Variants in GABRG1 observed in about 807,000 individuals in gnomAD.
The protein encoded by GABRG1 is gamma-aminobutyric acid receptor subunit gamma-1.
GABRG1 carries 49 observed loss-of-function variants against 49.8 expected under a neutral mutation model. That is an observed-to-expected ratio of 0.98 (90% CI 0.78 to 1.25). GABRG1 has a LOEUF of 1.25. GABRG1 is among the 50% of genes most tolerant of loss of function. The pLI, the probability that GABRG1 is intolerant of heterozygous loss-of-function variation, is 0.00. For missense variants in GABRG1, 552 were observed against 552.3 expected, an observed-to-expected ratio of 1.00 and a Z score of 0.01; for synonymous variants, 232 against 185.1, an observed-to-expected ratio of 1.25 and a Z score of -2.06.
chr4:46,113,057 T>C (rs917580250), intron 1 of GABRG1, among the ~76,000 whole-genome samples: 5 of 151,220 alleles, frequency 3.3e-5, no homozygotes, highest in East Asian at 2.0e-4. Context: ...CACTCACTTA[T>C]AGTATTTGTT....
intron 1 of GABRG1, among the ~76,000 whole-genome samples, chr4:46,104,655 T>G (rs1720479083): frequency 6.6e-6 from 1 of 151,502 alleles, no homozygotes; most frequent in African/African-American, 2.4e-5. Flanking sequence ...TTATTTTGCC[T>G]TATGTAAACT....
At chr4:46,045,068 G>C (rs749702844) in intron 8 of GABRG1, among the ~76,000 whole-genome samples, 1 of 151,984 alleles carries the variant, frequency 6.6e-6, no homozygotes, top group Non-Finnish European at 1.5e-5. Context: ...GGCCTATTTG[G>C]GGAACAATCA....
intron 1 of GABRG1, among the ~76,000 whole-genome samples, chr4:46,118,165 C>G (rs929994543): frequency 8.8e-5 from 12 of 135,688 alleles, no homozygotes; most frequent in African/African-American, 3.5e-4. Context: ...GTATAATATG[C>G]CTTACCCTTA....
intron 3 of GABRG1, among the ~76,000 whole-genome samples, chr4:46,072,080 C>T (rs979946655): frequency 1.3e-5 from 2 of 151,848 alleles, no homozygotes; most frequent in Non-Finnish European, 2.9e-5. Context: ...TCTTTTATAC[C>T]ATATTTTTAC....
chr4:46,070,744 G>A (rs1021700206), intron 3 of GABRG1, among the ~76,000 whole-genome samples: 4 of 152,060 alleles, frequency 2.6e-5, no homozygotes, highest in South Asian at 2.1e-4. Flanking sequence ...TAGGGAGCCA[G>A]GGAAGAGTTT....
chr4:46,109,151 CT>C lies in GABRG1; in HGVS notation c.105-11803del, dbSNP rs553460935. Among the ~76,000 whole-genome samples, 396 of 150,002 alleles carry C rather than the reference CT, an allele frequency of 2.6e-3. 3 individuals are homozygous for C. The highest frequency in any genetic ancestry group is 0.01 in the Middle Eastern group (3 of 292). ...GGCTGTGAATCCATCTGGCCCAGGG[CT>C]TTTTTTTGGTTAGTATTTTTTTTTA... is the stretch of plus-strand genomic sequence containing the variant. On this transcript the variant is annotated intron_variant, in intron 1 of 8. Coordinates refer to ENST00000295452, the MANE Select transcript of GABRG1 (RefSeq NM_173536.4).
At chr4:46,117,809 CATGTGTATCT>C in intron 1 of GABRG1, among the ~76,000 whole-genome samples, 1 of 121,634 alleles carries the variant, frequency 8.2e-6, no homozygotes, top group South Asian at 2.4e-4. Context: ...CATATGTATA[CATGTGTATCT>C]ATATACATAT....
At chr4:46,067,816 A>G (rs1196598826) in intron 3 of GABRG1, among the ~76,000 whole-genome samples, 1 of 152,142 alleles carries the variant, frequency 6.6e-6, no homozygotes, top group Non-Finnish European at 1.5e-5. Context: ...GTAGATGTTT[A>G]ATCATCTTAT....
At chr4:46,105,830 T>TAGATAGATAGAC (rs948226985) in intron 1 of GABRG1, among the ~76,000 whole-genome samples, 9 of 151,190 alleles carry the variant, frequency 6.0e-5, no homozygotes, top group African/African-American at 1.7e-4. Context: ...GATAGATAGA[T>TAGATAGATAGAC]AGATGATAGA....
intron 5 of GABRG1, among the ~76,000 whole-genome samples, chr4:46,060,016 G>A (rs1718611957): frequency 6.6e-6 from 1 of 151,986 alleles, no homozygotes; most frequent in Non-Finnish European, 1.5e-5. Flanking sequence ...TAAGGAAAAT[G>A]TTTTTGTCTA....
intron 2 of GABRG1, among the ~76,000 whole-genome samples, chr4:46,095,295 G>T (rs66482304): frequency 6.6e-6 from 1 of 151,436 alleles, no homozygotes; most frequent in East Asian, 1.9e-4. Flanking sequence ...GTGGGAATTC[G>T]TGAAGAAGAA....
At chr4:46,110,230 T>C (rs1367446876) in intron 1 of GABRG1, among the ~76,000 whole-genome samples, 3 of 150,998 alleles carry the variant, frequency 2.0e-5, no homozygotes, top group Non-Finnish European at 4.5e-5. Flanking sequence ...GATAACTGAG[T>C]CTTCTTGTTG....
intron 1 of GABRG1, among the ~76,000 whole-genome samples, chr4:46,110,700 T>A (rs866337673): frequency 6.6e-6 from 1 of 151,152 alleles, no homozygotes; most frequent in African/African-American, 2.4e-5. Context: ...TGGTTCACCA[T>A]ATGCAAATGA....
intron 1 of GABRG1, among the ~76,000 whole-genome samples, chr4:46,117,608 C>CTA (rs1333423900): frequency 0.015 from 2,012 of 136,960 alleles, 20 homozygotes; most frequent in African/African-American, 0.023. Flanking sequence ...CTCTCTCTCT[C>CTA]TCTCTATATA....
At chr4:46,078,074 T>C (rs1478005531) in intron 3 of GABRG1, among the ~76,000 whole-genome samples, 12 of 151,784 alleles carry the variant, frequency 7.9e-5, no homozygotes, top group African/African-American at 2.7e-4. Context: ...ATATATTTTA[T>C]GTAGTGACAA....
chr4:46,107,617 T>C (rs1351594255), intron 1 of GABRG1, among the ~76,000 whole-genome samples: 1 of 150,972 alleles, frequency 6.6e-6, no homozygotes, highest in Non-Finnish European at 1.5e-5. Context: ...TGATACTAAA[T>C]TATATAATTT....
At chr4:46,044,784 T>A (rs565757826) in intron 8 of GABRG1, among the ~76,000 whole-genome samples, 2 of 152,226 alleles carry the variant, frequency 1.3e-5, no homozygotes, top group South Asian at 4.2e-4. Context: ...GTTCACCTAC[T>A]GTGCATGTAG....
chr4:46,048,892 CA>C (rs547227887), intron 8 of GABRG1, among the ~76,000 whole-genome samples: 180 of 151,038 alleles, frequency 1.2e-3, no homozygotes, highest in African/African-American at 3.9e-3. Flanking sequence ...TTATCTCTTC[CA>C]AAAAAAACTG....
intron 1 of GABRG1, among the ~76,000 whole-genome samples, chr4:46,109,240 A>C (rs1267973787): frequency 2.0e-5 from 3 of 150,940 alleles, no homozygotes; most frequent in Non-Finnish European, 4.5e-5. Flanking sequence ...TTACTGATTC[A>C]ATCTTGGAAG....
Sources: gnomAD v4.1 joint callset for allele counts (sites outside exome capture counted in the v4.1 genomes callset) on GRCh38, gnomAD v4.1.1 for gene constraint, MANE v1.5 for transcripts, NCBI Gene and HGNC (gene_info 2026-07-23, HGNC 2026-07-21) for gene names.